TEX9: variants seen among roughly 807,000 people sequenced by gnomAD.
TEX9 encodes testis-expressed protein 9.
In TEX9, 74 loss-of-function variants were observed where a neutral mutation model predicts 59.6. That is an observed-to-expected ratio of 1.24 (90% CI 1.03 to 1.51). TEX9 has a LOEUF of 1.51. Ranked by LOEUF, TEX9 falls within the 40% of genes most tolerant of loss-of-function variation. TEX9 has a pLI of 0.00. For missense variants in TEX9, 522 were observed against 447.8 expected (o/e 1.17, Z -1.49); for synonymous variants, 186 against 152.2 (o/e 1.22, Z -1.64).
intron 10 of TEX9, among the ~76,000 whole-genome samples, chr15:56,424,336 A>G (rs2050141409): frequency 1.3e-5 from 2 of 152,054 alleles, no homozygotes; most frequent in African/African-American, 2.4e-5. Flanking sequence ...AAAATTTCAG[A>G]TTATCTTTTT....
intron 1 of TEX9, among the ~76,000 whole-genome samples, chr15:56,252,313 T>C (rs2044040864): frequency 6.6e-6 from 1 of 151,774 alleles, no homozygotes; most frequent in South Asian, 2.1e-4. Flanking sequence ...CTCCAACATA[T>C]ACTATAGTCA....
At chr15:56,301,017 A>G (rs1032936179) in intron 1 of TEX9, among the ~76,000 whole-genome samples, 3 of 152,240 alleles carry the variant, frequency 2.0e-5, no homozygotes, top group Non-Finnish European at 4.4e-5. Flanking sequence ...TAAATAAGGC[A>G]CTTGGTTGAC....
At chr15:56,449,005 T>C (rs1246756678), downstream of TEX9, among the ~76,000 whole-genome samples, 1 of 152,208 alleles carries the variant, frequency 6.6e-6, no homozygotes, top group Non-Finnish European at 1.5e-5. Context: ...TCCACCTGCC[T>C]TGGCCTTGCA....
chr15:56,425,941 G>T (rs1596237711), intron 10 of TEX9, among the ~76,000 whole-genome samples: 1 of 152,120 alleles, frequency 6.6e-6, no homozygotes, highest in Non-Finnish European at 1.5e-5. Flanking sequence ...TCCTGGGCCT[G>T]TGTGTTTTAA....
intron 9 of TEX9, chr15:56,409,959 A>G (rs1296816579): frequency 5.9e-5 from 9 of 152,150 alleles, no homozygotes; most frequent in Admixed American, 6.5e-5. Context: ...CTATGTGTAT[A>G]TATGTGTTCA....
Position 56,327,040 on chromosome 15 carries a change from T to TA in TEX9, c.-106-46395dup, listed in dbSNP as rs1164364905. Among the ~76,000 whole-genome samples, 6 of 152,278 alleles carry TA rather than the reference T, an allele frequency of 3.9e-5. No individual in the cohort carries two copies. The East Asian group carries it at 1.2e-3, about 29-fold the overall frequency. On this transcript the variant is annotated intron_variant, in intron 1 of 5. Transcript: ENST00000560827. ...ACCTGTTCCCCAAAAACTATTGAAA[T>TA]AAAAAATCATTATCAAAATAATGAT...
intron 1 of TEX9, among the ~76,000 whole-genome samples, chr15:56,256,095 T>A (rs2044139815): frequency 6.6e-6 from 1 of 152,084 alleles, no homozygotes; most frequent in Non-Finnish European, 1.5e-5. Context: ...TAAAATGAAA[T>A]TATAAATTAT....
chr15:56,455,315 A>G, the TEX9 span, among the ~76,000 whole-genome samples: 3 of 151,880 alleles, frequency 2.0e-5, no homozygotes, highest in African/African-American at 4.8e-5. Flanking sequence ...AGGGCCCAAA[A>G]AGATAGTTTG....
chr15:56,404,738 T>C (rs1444088806), intron 9 of TEX9, among the ~76,000 whole-genome samples: 1 of 152,158 alleles, frequency 6.6e-6, no homozygotes, highest in African/African-American at 2.4e-5. Flanking sequence ...AACCCAAATG[T>C]CCATCAATGA....
At chr15:56,334,559 A>G (rs1029795685) in intron 1 of TEX9, among the ~76,000 whole-genome samples, 1 of 152,188 alleles carries the variant, frequency 6.6e-6, no homozygotes, top group Admixed American at 6.5e-5. Context: ...ACTGAAAGAA[A>G]TACTGGGGAC....
intron 1 of TEX9, among the ~76,000 whole-genome samples, chr15:56,308,589 T>C (rs571385559): frequency 1.3e-5 from 2 of 152,310 alleles, no homozygotes; most frequent in South Asian, 4.1e-4. Flanking sequence ...ATTTTTTCTT[T>C]TGTTGCATGT....
At chr15:56,266,853 G>T (rs1401696087) in intron 1 of TEX9, among the ~76,000 whole-genome samples, 2 of 152,190 alleles carry the variant, frequency 1.3e-5, no homozygotes, top group Non-Finnish European at 2.9e-5. Flanking sequence ...GTAATGGATG[G>T]CTGGGTCAGA....
intron 9 of TEX9, chr15:56,395,043 T>A: frequency 1.8e-6 from 1 of 561,188 alleles, no homozygotes; most frequent in Non-Finnish European, 3.1e-6. Context: ...TTTGGTGTAT[T>A]CATAGAATTG....
chr15:56,347,722 A>T (rs951659408), intron 1 of TEX9, among the ~76,000 whole-genome samples: 1 of 152,124 alleles, frequency 6.6e-6, no homozygotes, highest in Non-Finnish European at 1.5e-5. Flanking sequence ...TCTTAGATTT[A>T]ATAGCAAAAG....
At chr15:56,330,279 A>G (rs1251675075) in intron 1 of TEX9, among the ~76,000 whole-genome samples, 1 of 152,182 alleles carries the variant, frequency 6.6e-6, no homozygotes, top group Admixed American at 6.5e-5. Flanking sequence ...AGAAATGCTA[A>G]AGGGGGTACT....
intron 9 of TEX9, among the ~76,000 whole-genome samples, chr15:56,408,310 G>T (rs2049176402): frequency 6.6e-6 from 1 of 152,128 alleles, no homozygotes; most frequent in African/African-American, 2.4e-5. Flanking sequence ...TTCCTCACAT[G>T]AATTTATATC....
At position 56,319,740 on chromosome 15, in the gene TEX9, G is replaced by A. The variant is rs182944167; in HGVS notation, c.-106-53701G>A. Among the ~76,000 whole-genome samples the A allele has an allele frequency of 1.4e-4, 22 of 152,274 alleles. 1 individual carries two copies. The highest frequency in any genetic ancestry group is 1.4e-3 in the Admixed American group (22 of 15,292). The stretch of plus-strand genomic sequence containing the variant: ...TGGCCCTATGATCAATTCCCAGGAT[G>A]AGGAGGCAGAAGCCCAGTTTGTATG... On this transcript the variant is annotated intron_variant, in intron 1 of 5. Coordinates refer to the TEX9 transcript ENST00000560827.
chr15:56,378,838 C>T lies in TEX9; in HGVS notation c.184-5114C>T, dbSNP rs147275916. ...CCCAGCACTTTGGGAGGCCAAGGCA[C>T]GTGACTCACTTGAACCCAGAAGTTT... is the stretch of plus-strand genomic sequence containing the variant. On this transcript the variant is annotated intron_variant, in intron 3 of 12. Coordinates refer to ENST00000352903, the Ensembl canonical transcript of TEX9. 1.9e-3 allele frequency among the ~76,000 whole-genome samples: 291 copies of T among 151,890 alleles called. 2 individuals are homozygous for T. The highest frequency in any genetic ancestry group is 6.7e-3 in the African/African-American group (276 of 41,462).
chr15:56,437,098 T>G (rs1341065602), intron 12 of TEX9, among the ~76,000 whole-genome samples: 1 of 152,182 alleles, frequency 6.6e-6, no homozygotes, highest in Non-Finnish European at 1.5e-5. Flanking sequence ...CCCTAACTCA[T>G]TTTATGAGGC....
Sources: allele counts gnomAD v4.1 joint callset (sites outside exome capture counted in the v4.1 genomes callset), GRCh38; gene constraint gnomAD v4.1.1; transcripts MANE v1.5; gene names NCBI Gene and HGNC (gene_info 2026-07-23, HGNC 2026-07-21).